The following LRP1B variants were observed in gnomAD, a reference collection of about 807,000 sequenced individuals.
LRP1B encodes the protein low-density lipoprotein receptor-related protein 1B.
Under a neutral mutation model 556.6 loss-of-function variants are expected in LRP1B, and 217 were observed. The ratio of observed to expected loss-of-function variants is 0.39; its 90% CI spans 0.35 to 0.44. The LOEUF (loss-of-function observed/expected upper bound fraction) is 0.44, where lower values mean the gene tolerates loss of function less well. Among genes scored for constraint, LRP1B ranks in the 20% least tolerant of loss-of-function variants. LRP1B has a pLI of 1.00. For missense variants in LRP1B, 5,053 were observed against 5,620.8 expected, an observed-to-expected ratio of 0.90 and a Z score of 3.23; for synonymous variants, 2,047 against 1,865.8, an observed-to-expected ratio of 1.10 and a Z score of -2.50.
chr2:140,297,238 C>T (rs1207558758), intron 84 of LRP1B, among the ~76,000 whole-genome samples: 1 of 151,994 alleles, frequency 6.6e-6, no homozygotes, highest in African/African-American at 2.4e-5. Context: ...GGTTTCTATT[C>T]ATATAAATGA....
intron 1 of LRP1B, among the ~76,000 whole-genome samples, chr2:142,020,452 T>C (rs1352300086): frequency 6.6e-6 from 1 of 152,178 alleles, no homozygotes; most frequent in Non-Finnish European, 1.5e-5. Flanking sequence ...GTTTGTTCCC[T>C]TGTGATAATC....
chr2:140,238,143 A>G lies in LRP1B; in HGVS notation c.13560+9T>C, dbSNP rs1680793103. ...AGTGCTCACTGCCCATTATCTTAAG[A>G]CATACTACCTTTGTTGGGTCTATCA... On this transcript the variant is annotated intron_variant, in intron 89 of 90. Coordinates refer to ENST00000389484, the MANE Select transcript of LRP1B (RefSeq NM_018557.3). The G allele has an allele frequency of 6.3e-7, 1 of 1,594,128 alleles. No individual in the cohort carries two copies. The highest frequency in any genetic ancestry group is 1.7e-5 in the Admixed American group (1 of 57,670).
chr2:141,715,811 G>A lies in LRP1B; in HGVS notation c.205+94468C>T, dbSNP rs537038735. On this transcript the variant is annotated intron_variant, in intron 2 of 90. Transcript: ENST00000389484. ...GCCTGGGTGACAAGAGTGAAACTCC[G>A]TCTCAGAAACTAACAAACAAACAAA... is the stretch of plus-strand genomic sequence containing the variant. Among the ~76,000 whole-genome samples the A allele has an allele frequency of 3.3e-4, 50 of 152,182 alleles. No homozygotes were observed. The South Asian group carries it at 9.1e-3, about 28-fold the overall frequency.
At chr2:141,796,833 T>A (rs186616501) in intron 2 of LRP1B, among the ~76,000 whole-genome samples, 1 of 151,894 alleles carries the variant, frequency 6.6e-6, no homozygotes, top group Non-Finnish European at 1.5e-5. Context: ...TTTTTTTGTG[T>A]GTGAAATGAA....
At chr2:141,930,157 G>A (rs1365198498) in intron 1 of LRP1B, among the ~76,000 whole-genome samples, 1 of 151,878 alleles carries the variant, frequency 6.6e-6, no homozygotes, top group African/African-American at 2.4e-5. Flanking sequence ...GATTTTAAAT[G>A]CTTTAGGAAT....
intron 69 of LRP1B, among the ~76,000 whole-genome samples, 193 bp from the exon 70 acceptor site, chr2:140,371,478 A>G (rs1682991876): frequency 6.6e-6 from 1 of 151,692 alleles, no homozygotes; most frequent in South Asian, 2.1e-4. Flanking sequence ...TTATAATATT[A>G]TTGCATTATA....
At position 140,270,291 on chromosome 2, in the gene LRP1B, T is replaced by C; in HGVS notation, c.13198A>G (p.Asn4400Asp). ...GGGTCCAGCTGGCATGTGCCACCAT[T>C]GTAACAGTAGCCATCACATAACTGA... Reference protein sequence around the residue: ...SCQLCDGYCYNGGTCQLDPET... With the variant: ...SCQLCDGYCYDGGTCQLDPET... Residue 4400 changes from asparagine to aspartate, a missense_variant, in exon 86 of 91, where the codon AAT (asparagine) becomes GAT (aspartate). Asn to Asp is a conservative substitution (Grantham distance 23). Coordinates refer to ENST00000389484, the MANE Select transcript of LRP1B (RefSeq NM_018557.3). 1.2e-6 allele frequency: 2 copies of C among 1,612,190 alleles called. No homozygotes were observed. The highest frequency in any genetic ancestry group is 1.7e-6 in the Non-Finnish European group (2 of 1,178,720).
chr2:141,432,910 A>C (rs1357224054), intron 3 of LRP1B, among the ~76,000 whole-genome samples: 2 of 151,934 alleles, frequency 1.3e-5, no homozygotes, highest in Non-Finnish European at 2.9e-5. Flanking sequence ...TCTAGTCTGT[A>C]GGATTCCCTT....
At chr2:141,595,475 A>T (rs990324993) in intron 2 of LRP1B, among the ~76,000 whole-genome samples, 4 of 152,098 alleles carry the variant, frequency 2.6e-5, no homozygotes, top group African/African-American at 9.7e-5. Flanking sequence ...ACCTCATCAG[A>T]TTTTTTATTG....
intron 2 of LRP1B, among the ~76,000 whole-genome samples, chr2:141,711,483 A>G (rs1272213816): frequency 6.6e-6 from 1 of 152,180 alleles, no homozygotes; most frequent in Non-Finnish European, 1.5e-5. Flanking sequence ...GAAGAGAGCT[A>G]GAGAGTGAGC....
At chr2:141,108,542 G>A (rs1449651230) in intron 7 of LRP1B, among the ~76,000 whole-genome samples, 1 of 151,566 alleles carries the variant, frequency 6.6e-6, no homozygotes, top group African/African-American at 2.4e-5. Flanking sequence ...TAGAGACACA[G>A]TTTCACCATG....
At chr2:140,894,578 G>A (rs1294480928) in intron 23 of LRP1B, among the ~76,000 whole-genome samples, 1 of 152,070 alleles carries the variant, frequency 6.6e-6, no homozygotes, top group Non-Finnish European at 1.5e-5. Flanking sequence ...ATAATTGAGG[G>A]AGAAGAGAAA....
chr2:140,672,436 A>G (rs1478095822), intron 41 of LRP1B, among the ~76,000 whole-genome samples: 1 of 147,690 alleles, frequency 6.8e-6, no homozygotes. Context: ...GTGAGCAGAA[A>G]TCGCACCATT....
intron 2 of LRP1B, among the ~76,000 whole-genome samples, chr2:141,647,020 A>G (rs1013191497): frequency 3.3e-5 from 5 of 152,084 alleles, no homozygotes; most frequent in African/African-American, 1.2e-4. Flanking sequence ...TCCCCTTGCT[A>G]TGGCTGGTAA....
intron 20 of LRP1B, among the ~76,000 whole-genome samples, chr2:140,926,220 G>A (rs916610916): frequency 6.6e-6 from 1 of 151,872 alleles, no homozygotes; most frequent in African/African-American, 2.4e-5. Flanking sequence ...ACCTAAAGAG[G>A]ATAACGATTC....
At chr2:141,849,992 C>A (rs1050084089) in intron 1 of LRP1B, among the ~76,000 whole-genome samples, 1 of 151,596 alleles carries the variant, frequency 6.6e-6, no homozygotes, top group Non-Finnish European at 1.5e-5. Context: ...AAGATCATCT[C>A]CAAAGTTGAA....
At chr2:140,565,324 C>T (rs1477103004) in intron 43 of LRP1B, among the ~76,000 whole-genome samples, 2 of 150,630 alleles carry the variant, frequency 1.3e-5, no homozygotes, top group Non-Finnish European at 3.0e-5. Context: ...ATATTATTGG[C>T]CACAGCATAT....
chr2:142,009,542 CAATT>C (rs1191625416), intron 1 of LRP1B, among the ~76,000 whole-genome samples: 1 of 152,048 alleles, frequency 6.6e-6, no homozygotes, highest in Non-Finnish European at 1.5e-5. Flanking sequence ...TCCTCTCACT[CAATT>C]CTGTTGTTTC....
chr2:140,283,681 C>A (rs1288314561), intron 84 of LRP1B, among the ~76,000 whole-genome samples: 1 of 151,630 alleles, frequency 6.6e-6, no homozygotes, highest in Non-Finnish European at 1.5e-5. Flanking sequence ...AAATTTTTGA[C>A]AAACTGCCAT....
Sources: allele counts gnomAD v4.1 joint callset (sites outside exome capture counted in the v4.1 genomes callset), GRCh38; gene constraint gnomAD v4.1.1; transcripts MANE v1.5; gene names NCBI Gene and HGNC (gene_info 2026-07-23, HGNC 2026-07-21).